TRPM7: variants seen among roughly 807,000 people sequenced by gnomAD.
The protein encoded by TRPM7 is transient receptor potential cation channel subfamily M member 7.
In TRPM7, 134 loss-of-function variants were observed where a neutral mutation model predicts 229.7. The ratio of observed to expected loss-of-function variants is 0.58; its 90% CI spans 0.51 to 0.67. The LOEUF (loss-of-function observed/expected upper bound fraction) is 0.67. TRPM7 is among the 30% of genes least tolerant of loss of function. The probability of loss-of-function intolerance (pLI) is 0.00; values close to 1 mark genes in which losing one functional copy is unlikely to be tolerated. For missense variants in TRPM7, 1,901 were observed against 2,210.0 expected (o/e 0.86, Z 2.80); for synonymous variants, 699 against 715.2 (o/e 0.98, Z 0.36).
intron 11 of TRPM7, among the ~76,000 whole-genome samples, chr15:50,626,350 A>G (rs1596240802): frequency 6.6e-6 from 1 of 152,288 alleles, no homozygotes; most frequent in Middle Eastern, 3.4e-3. Flanking sequence ...AAACAAGAAC[A>G]TTCTGTGTTT....
chr15:50,633,070 A>C (rs2060785061), intron 8 of TRPM7, 78 bp from the exon 9 acceptor site: 2 of 1,291,952 alleles, frequency 1.5e-6, no homozygotes, highest in Non-Finnish European at 2.0e-6. Context: ...AGGTAGATCC[A>C]TGTAAGACCT....
intron 9 of TRPM7, among the ~76,000 whole-genome samples, chr15:50,632,202 A>C (rs2060758487): frequency 6.6e-6 from 1 of 152,014 alleles, no homozygotes; most frequent in South Asian, 2.1e-4. Context: ...CTGAGGTGGG[A>C]GAATCGCTTG....
rs1485246334 is a variant in TRPM7 at position 50,592,351 on chromosome 15, A to G, written c.3884T>C (p.Val1295Ala). 2 of 1,614,162 alleles carry G rather than the reference A, an allele frequency of 1.2e-6. No homozygotes were observed. Among genetic ancestry groups the G allele is most frequent in the Non-Finnish European group, 1.7e-6 (2 of 1,180,010 alleles). ...RPSVWKKHGV[V>A]NTLSSSLPQG... is the part of the protein sequence containing the mutation. ...AGGAAGAGAGGAGCTAAGTGTATTT[A>G]CAACACCATGCTTTTTCCATACAGA... The change falls in exon 26 of 39, where the codon GTA becomes GCA. Residue 1295 changes from valine (V) to alanine (A), a missense_variant. Around this residue, in one of 8 missense-constraint regions of TRPM7, gnomAD observed 533 missense variants for 497.1 expected, o/e 1.07. Transcript: ENST00000646667.
At chr15:50,682,937 C>T (rs1050790848) in intron 1 of TRPM7, among the ~76,000 whole-genome samples, 5 of 150,820 alleles carry the variant, frequency 3.3e-5, no homozygotes, top group African/African-American at 1.2e-4. Flanking sequence ...GGTTCTGTTA[C>T]CCAGGCTGGA....
At chr15:50,596,026 A>G (rs2059620451) in intron 23 of TRPM7, among the ~76,000 whole-genome samples, 1 of 152,200 alleles carries the variant, frequency 6.6e-6, no homozygotes. Context: ...AAAATCCCAG[A>G]TAACGATTAA....
rs141708939 is a variant in TRPM7, at chr15:50,662,027, G to T, written c.83+940C>A. Among the ~76,000 whole-genome samples, 615 of 152,050 alleles carry T rather than the reference G, an allele frequency of 4.0e-3. 5 individuals carry two copies. Among genetic ancestry groups the T allele is most frequent in the African/African-American group, 0.014 (581 of 41,480 alleles). On this transcript the variant is annotated intron_variant, in intron 2 of 38. Coordinates refer to ENST00000646667, the MANE Select transcript of TRPM7 (RefSeq NM_017672.6). Reference sequence around the variant, plus strand: ...CAGGTCAGGGGTTCAAGACCAGCCTGGCCAACATAGTAAAACCCTGTTTCT... The same window carrying T: ...CAGGTCAGGGGTTCAAGACCAGCCTTGCCAACATAGTAAAACCCTGTTTCT...
intron 23 of TRPM7, 50 bp downstream of exon 23, chr15:50,596,205 G>T: frequency 1.6e-6 from 2 of 1,256,938 alleles, no homozygotes; most frequent in Non-Finnish European, 1.1e-6. Flanking sequence ...AAAATATGTA[G>T]AATTGCATAT....
intron 23 of TRPM7, 137 bp downstream of exon 23, chr15:50,596,118 T>G: frequency 2.1e-6 from 1 of 467,542 alleles, no homozygotes; most frequent in Non-Finnish European, 3.4e-6. Context: ...ATCTCCTATT[T>G]GTAATTTTTC....
At chr15:50,623,047 C>T (rs1193886952) in intron 12 of TRPM7, among the ~76,000 whole-genome samples, 1 of 152,146 alleles carries the variant, frequency 6.6e-6, no homozygotes, top group Non-Finnish European at 1.5e-5. Context: ...AATAAAATTT[C>T]AATAAATGGG....
intron 29 of TRPM7, 165 bp downstream of exon 29, chr15:50,582,924 C>T (rs2054492219): frequency 2.5e-6 from 1 of 402,484 alleles, no homozygotes; most frequent in Non-Finnish European, 4.5e-6. Context: ...TGACTATTCA[C>T]TGTAAGAAAC....
In TRPM7 at chr15:50,557,653, T is replaced by A. The variant is rs1190276194; in HGVS notation, c.*4025A>T. The A allele has an allele frequency of 6.6e-6, 1 of 152,182 alleles. No individual in the cohort carries two copies. Among genetic ancestry groups the A allele is most frequent in the Non-Finnish European group, 1.5e-5 (1 of 68,028 alleles). 9.4% of individuals were successfully genotyped at this position (152,182 alleles called of 1,614,324 possible). A position where few individuals can be genotyped will look rare whatever the true frequency, so the allele number is the denominator to read the frequency against. On this transcript the variant is annotated 3_prime_UTR_variant, in exon 39 of 39. Transcript: ENST00000646667. ...AACATTTGCAGAAAAGAATTCCACATCTTTTTTTTGAGACAGAGTTCTGCT... is the reference window on the plus strand; with the variant it reads ...AACATTTGCAGAAAAGAATTCCACAACTTTTTTTTGAGACAGAGTTCTGCT...
intron 38 of TRPM7, among the ~76,000 whole-genome samples, chr15:50,564,098 G>T (rs1456823442): frequency 6.6e-6 from 1 of 151,818 alleles, no homozygotes; most frequent in Non-Finnish European, 1.5e-5. Context: ...CTGGCCTCAA[G>T]TGATCTGCCC....
chr15:50,574,208 TATAAC>T, intron 36 of TRPM7, 61 bp downstream of exon 36: 18 of 1,252,906 alleles, frequency 1.4e-5, no homozygotes, highest in Non-Finnish European at 2.1e-5. Flanking sequence ...GCAGATTCTG[TATAAC>T]ATATGAATAG....
intron 31 of TRPM7, 112 bp from the exon 32 acceptor site, chr15:50,576,031 T>C: frequency 9.1e-7 from 1 of 1,104,278 alleles, no homozygotes; most frequent in South Asian, 1.5e-5. Flanking sequence ...TAACTGTTCC[T>C]CACAAAAACA....
rs1430463955 is a variant in TRPM7, at chr15:50,574,353, A to G, written c.5229T>C (p.Thr1743=). 6.2e-7 allele frequency: 1 copy of G among 1,613,826 alleles called. No homozygotes were observed. The highest frequency in any genetic ancestry group is 8.5e-7 in the Non-Finnish European group (1 of 1,179,948). ...TAAAGGCTAGCATGATCTCTTCCAG[A>G]GTATTAGTTGGAATAATCTCATCTC... ...NNGDEIIPTN[T]LEEIMLAFSH... The change falls in exon 36 of 39, where the codon ACT becomes ACC. Residue 1743 remains threonine, a synonymous_variant. Coordinates refer to ENST00000646667, the MANE Select transcript of TRPM7 (RefSeq NM_017672.6).
intron 11 of TRPM7, among the ~76,000 whole-genome samples, chr15:50,627,297 G>A (rs1268448694): frequency 6.6e-6 from 1 of 152,134 alleles, no homozygotes; most frequent in African/African-American, 2.4e-5. Flanking sequence ...TAGCAGGGAA[G>A]AATGCTGGTT....
chr15:50,560,306 AATTT>A lies in TRPM7; in HGVS notation c.*1368_*1371del, dbSNP rs1175837114. The stretch of plus-strand genomic sequence containing the variant: ...ACTCACTAAACATCTGTAAACAATA[AATTT>A]ATTTCATTTCTTTTAAAGATTTAAT... On this transcript the variant is annotated 3_prime_UTR_variant, in exon 39 of 39. Coordinates refer to ENST00000646667, the MANE Select transcript of TRPM7 (RefSeq NM_017672.6). The A allele has an allele frequency of 6.6e-6, 1 of 152,560 alleles. No homozygotes were observed. Among genetic ancestry groups the A allele is most frequent in the South Asian group, 2.1e-4 (1 of 4,830 alleles). The allele number at this position is 152,560 out of a possible 1,614,324, so 9.5% of individuals were successfully genotyped here. A position where few individuals can be genotyped will look rare whatever the true frequency, so the allele number is the denominator to read the frequency against.
At chr15:50,637,916 AAT>A (rs1329734992) in intron 6 of TRPM7, among the ~76,000 whole-genome samples, 2 of 152,202 alleles carry the variant, frequency 1.3e-5, no homozygotes, top group Non-Finnish European at 2.9e-5. Context: ...ACTAAACTAC[AAT>A]ATATAAAAGA....
intron 30 of TRPM7, among the ~76,000 whole-genome samples, chr15:50,579,428 C>T (rs984798164): frequency 2.6e-5 from 4 of 152,150 alleles, no homozygotes; most frequent in Non-Finnish European, 5.9e-5. Flanking sequence ...TTAATAGAAA[C>T]ATTTTCTTAC....
Sources: gnomAD v4.1 joint callset for allele counts (sites outside exome capture counted in the v4.1 genomes callset) on GRCh38, gnomAD v4.1.1 for gene constraint, gnomAD v4.1.1 regional missense constraint, MANE v1.5 for transcripts, NCBI Gene and HGNC (gene_info 2026-07-23, HGNC 2026-07-21) for gene names.